SPTBN1: variants seen among roughly 807,000 people sequenced by gnomAD.
SPTBN1 encodes the protein spectrin beta chain, non-erythrocytic 1.
In SPTBN1, 32 loss-of-function variants were observed where a neutral mutation model predicts 266.4. The observed-to-expected ratio is 0.12, with a 90% confidence interval of 0.09 to 0.16. The LOEUF (loss-of-function observed/expected upper bound fraction) is 0.16, where lower values mean the gene tolerates loss of function less well. Ranked by LOEUF, SPTBN1 falls within the 10% of genes least tolerant of loss-of-function variation. The pLI, the probability that SPTBN1 is intolerant of heterozygous loss-of-function variation, is 1.00. For synonymous variants in SPTBN1, 1,336 were observed against 1,162.2 expected, an observed-to-expected ratio of 1.15 and a Z score of -3.04; for missense variants, 2,296 against 3,067.1, an observed-to-expected ratio of 0.75 and a Z score of 5.94.
intron 17 of SPTBN1, 71 bp from the exon 18 acceptor site, chr2:54,637,642 T>C: frequency 8.3e-7 from 1 of 1,208,332 alleles, no homozygotes; most frequent in South Asian, 1.3e-5. Context: ...GGAAATAAAT[T>C]GATTTGTATT....
rs754044041 is a variant in SPTBN1, at chr2:54,622,408, A to G, written c.985A>G (p.Lys329Glu). ...AACCATCATCATTCTGAACAATCGC[A>G]AATTTGCCAATTCACTGGTCGGGGT... The part of the protein sequence containing the change: ...EQTIIILNNR[K>E]FANSLVGVQQ... The change falls in exon 9 of 36, where the codon AAA (lysine) becomes GAA (glutamate). Residue 329 changes from lysine to glutamate, a missense_variant. Lys to Glu is a moderately conservative substitution (Grantham distance 56, BLOSUM62 1). Transcript: ENST00000356805. 2.5e-6 allele frequency: 4 copies of G among 1,614,200 alleles called. No individual in the cohort carries two copies. The highest frequency in any genetic ancestry group is 2.5e-6 in the Non-Finnish European group (3 of 1,180,032).
At chr2:54,529,269 G>A (rs570788258) in intron 2 of SPTBN1, 40 of 432,350 alleles carry the variant, frequency 9.3e-5, no homozygotes, top group East Asian at 8.2e-4. Flanking sequence ...TCTGGACCGA[G>A]CTAAAGTCTA....
At chr2:54,476,354 A>G (rs755566128) in intron 1 of SPTBN1, among the ~76,000 whole-genome samples, 1 of 152,244 alleles carries the variant, frequency 6.6e-6, no homozygotes, top group Non-Finnish European at 1.5e-5. Context: ...TTTCTAACTA[A>G]ACATAGATAA....
chr2:54,668,532 A>G lies in SPTBN1; in HGVS notation c.7058A>G (p.Lys2353Arg), dbSNP rs1314641528. 2 of 1,614,156 alleles carry G rather than the reference A, an allele frequency of 1.2e-6. No homozygotes were observed. The highest frequency in any genetic ancestry group is 1.7e-6 in the Non-Finnish European group (2 of 1,180,028). Residue 2353 changes from lysine (K) to arginine (R), a missense_variant, in exon 36 of 36, where the codon AAA (lysine) becomes AGA (arginine). Physicochemically the swap from Lys to Arg is conservative, Grantham distance 26 (BLOSUM62 2). Transcript: ENST00000356805. The stretch of plus-strand genomic sequence containing the variant: ...CGGGAAAAGGACAAAGAGAAAGACA[A>G]AGAGAAGCGGTTCAGCCTTTTTGGC... ...GKREKDKEKD[K>R]EKRFSLFGKK...
At chr2:54,613,872 A>G (rs554931846) in intron 4 of SPTBN1, among the ~76,000 whole-genome samples, 5 of 152,306 alleles carry the variant, frequency 3.3e-5, no homozygotes, top group African/African-American at 9.6e-5. Context: ...ATGGAGTAAA[A>G]TGTTGTATTT....
intron 2 of SPTBN1, among the ~76,000 whole-genome samples, chr2:54,532,138 A>T (rs937715139): frequency 6.6e-6 from 1 of 152,038 alleles, no homozygotes; most frequent in South Asian, 2.1e-4. Flanking sequence ...AAATACAAAA[A>T]ATTAGCTGGG....
chr2:54,613,802 T>C (rs1677388208), intron 4 of SPTBN1, among the ~76,000 whole-genome samples: 1 of 152,346 alleles, frequency 6.6e-6, no homozygotes, highest in Admixed American at 6.5e-5. Context: ...TGCTCTTGTG[T>C]CTTATGGCAA....
At chr2:54,544,402 C>G (rs1672115926) in intron 2 of SPTBN1, among the ~76,000 whole-genome samples, 1 of 152,200 alleles carries the variant, frequency 6.6e-6, no homozygotes. Context: ...ATGAGTAAGA[C>G]TTTGAGATAC....
At position 54,505,260 on chromosome 2, in the gene SPTBN1, G is replaced by C. The variant is rs138325189; in HGVS notation, c.-47-21112G>C. Among the ~76,000 whole-genome samples, 188 of 152,252 alleles carry C rather than the reference G, an allele frequency of 1.2e-3. 4 individuals carry two copies. In the South Asian group the frequency reaches 0.034, roughly 28 times the overall value. On this transcript the variant is annotated intron_variant, in intron 1 of 35. Transcript: ENST00000356805. ...ATGCTTGTTAGTTGGATGAGATCTTGGAATGCATGCATCCCGGCTTCCCAC... is the reference window on the plus strand; with the variant it reads ...ATGCTTGTTAGTTGGATGAGATCTTCGAATGCATGCATCCCGGCTTCCCAC...
At chr2:54,637,637 T>C in intron 17 of SPTBN1, 76 bp from the exon 18 acceptor site, 1 of 1,178,892 alleles carries the variant, frequency 8.5e-7, no homozygotes. Flanking sequence ...ATTCAGGAAA[T>C]AAATTGATTT....
chr2:54,507,595 A>C (rs923646378), intron 1 of SPTBN1, among the ~76,000 whole-genome samples: 6 of 152,182 alleles, frequency 3.9e-5, no homozygotes, highest in Non-Finnish European at 5.9e-5. Flanking sequence ...GGTCTGAATA[A>C]GAGAAGGAGA....
intron 1 of SPTBN1, among the ~76,000 whole-genome samples, chr2:54,457,848 C>T (rs182200266): frequency 2.0e-5 from 3 of 152,356 alleles, no homozygotes; most frequent in Non-Finnish European, 4.4e-5. Flanking sequence ...ATCCCTCCTG[C>T]ACCTCTTCTT....
rs539043398 is a variant in SPTBN1, at chr2:54,585,758, A to G, written c.149-13334A>G. Among the ~76,000 whole-genome samples, 245 of 152,294 alleles carry G rather than the reference A, an allele frequency of 1.6e-3. No homozygotes were observed. The Middle Eastern group carries it at 0.017, about 11-fold the overall frequency. On this transcript the variant is annotated intron_variant, in intron 2 of 35. Transcript: ENST00000356805. ...TAGATGTCCTTCCCAGTGTCCTTAT[A>G]TTAGTTACTCGATAAATGGTTGCTG...
Position 54,541,084 on chromosome 2 carries a change from C to T in SPTBN1, c.148+14518C>T, listed in dbSNP as rs142933830. Among the ~76,000 whole-genome samples the T allele has an allele frequency of 2.4e-3, 362 of 152,322 alleles. 2 individuals carry two copies. Among genetic ancestry groups the T allele is most frequent in the African/African-American group, 7.7e-3 (322 of 41,580 alleles). ...ATGTTATTTAGCCAGTGTGGCTCTC[C>T]AGTTAGCTTTTACCTTTTTCTCTAG... On this transcript the variant is annotated intron_variant, in intron 2 of 35. Coordinates refer to ENST00000356805, the MANE Select transcript of SPTBN1 (RefSeq NM_003128.3).
chr2:54,496,483 C>T (rs181025114), intron 1 of SPTBN1, among the ~76,000 whole-genome samples: 18 of 144,854 alleles, frequency 1.2e-4, no homozygotes, highest in Admixed American at 3.4e-4. Flanking sequence ...TAACAGCTAA[C>T]ATTTTTTTTG....
At chr2:54,557,703 G>A (rs1037416703) in intron 2 of SPTBN1, 29 of 984,844 alleles carry the variant, frequency 2.9e-5, no homozygotes, top group Non-Finnish European at 3.5e-5. Flanking sequence ...TTGCAAATCG[G>A]TGCTCCCATA....
chr2:54,670,581 C>T lies in SPTBN1; in HGVS notation c.*2012C>T. 2.5e-6 allele frequency: 1 copy of T among 397,846 alleles called. No homozygotes were observed. The highest frequency in any genetic ancestry group is 3.6e-5 in the East Asian group (1 of 28,066). The allele number at this position is 397,846 out of a possible 1,614,324, so 24.6% of individuals were successfully genotyped here. A position where few individuals can be genotyped will look rare whatever the true frequency, so the allele number is the denominator to read the frequency against. ...TCAAGTTGTTCTATTCTCAACAGAC[C>T]AAAATGTTTAGTTAAGGCAAAGTAT... On this transcript the variant is annotated 3_prime_UTR_variant, in exon 36 of 36. Coordinates refer to ENST00000356805, the MANE Select transcript of SPTBN1 (RefSeq NM_003128.3).
At position 54,542,295 on chromosome 2, in the gene SPTBN1, C is replaced by T. The variant is rs373496282; in HGVS notation, c.148+15729C>T. 3.0e-4 allele frequency among the ~76,000 whole-genome samples: 46 copies of T among 152,336 alleles called. No homozygotes were observed. In the South Asian group the frequency reaches 9.1e-3, roughly 30 times the overall value. Reference sequence around the variant, plus strand: ...CAAGCAGTGCCATGAATGGCCTGAACATGCATGGCTATGTCGAGATGCCAT... The same window carrying T: ...CAAGCAGTGCCATGAATGGCCTGAATATGCATGGCTATGTCGAGATGCCAT... On this transcript the variant is annotated intron_variant, in intron 2 of 35. Coordinates refer to ENST00000356805, the MANE Select transcript of SPTBN1 (RefSeq NM_003128.3).
Position 54,533,900 on chromosome 2 carries a change from T to TCA in SPTBN1, c.148+7360_148+7361dup, listed in dbSNP as rs70944176. On this transcript the variant is annotated intron_variant, in intron 2 of 35. Coordinates refer to ENST00000356805, the MANE Select transcript of SPTBN1 (RefSeq NM_003128.3). This position sits in a 1 kb window ranked among gnomAD's most constrained non-coding sequence, Gnocchi z 4.2. ...ATTGATCTCTCTCTCTGTCTCTCTCTCACACACACACACACACACACACAC... is the reference window on the plus strand; with the variant it reads ...ATTGATCTCTCTCTCTGTCTCTCTCTCACACACACACACACACACACACACAC... Among the ~76,000 whole-genome samples, 3,370 of 150,300 alleles carry TCA rather than the reference T, an allele frequency of 0.022. 39 individuals are homozygous for TCA. The highest frequency in any genetic ancestry group is 0.027 in the East Asian group (132 of 4,958).
Sources: gnomAD v4.1 joint callset for allele counts (sites outside exome capture counted in the v4.1 genomes callset) on GRCh38, gnomAD v4.1.1 for gene constraint, Gnocchi (gnomAD v3.1) non-coding constraint, MANE v1.5 for transcripts, NCBI Gene and HGNC (gene_info 2026-07-23, HGNC 2026-07-21) for gene names.